CDK5RAP2: variants seen among roughly 807,000 people sequenced by gnomAD.
The protein encoded by CDK5RAP2 is CDK5 regulatory subunit-associated protein 2.
CDK5RAP2 carries 147 observed loss-of-function variants against 232.9 expected under a neutral mutation model. The ratio of observed to expected loss-of-function variants is 0.63; its 90% CI spans 0.55 to 0.72. The LOEUF (loss-of-function observed/expected upper bound fraction) is 0.72. Among genes scored for constraint, CDK5RAP2 ranks in the 30% least tolerant of loss-of-function variants. The probability of loss-of-function intolerance (pLI) is 0.00; values close to 1 mark genes in which losing one functional copy is unlikely to be tolerated. For synonymous variants in CDK5RAP2, 833 were observed against 833.7 expected, an observed-to-expected ratio of 1.00 and a Z score of 0.01; for missense variants, 2,195 against 2,231.5, an observed-to-expected ratio of 0.98 and a Z score of 0.33.
chr9:120,413,500 GCACGTCTTTC>G (rs915830047), intron 28 of CDK5RAP2, among the ~76,000 whole-genome samples: 1 of 152,246 alleles, frequency 6.6e-6, no homozygotes. Context: ...GGTGAGAACA[GCACGTCTTTC>G]CACCAGTGTA....
intron 35 of CDK5RAP2, among the ~76,000 whole-genome samples, chr9:120,395,836 C>A (rs2032418900): frequency 6.6e-6 from 1 of 152,236 alleles, no homozygotes; most frequent in Non-Finnish European, 1.5e-5. Context: ...CTAAAAAACA[C>A]ATTTCTGGCA....
Position 120,550,968 on chromosome 9 carries a change from T to C in CDK5RAP2, c.196-66A>G, listed in dbSNP as rs954214. ...GACAGAGGGTCCAACAGATAGTACATACATTAGTCGCTATGGATTACGAGG... is the reference window on the plus strand; with the variant it reads ...GACAGAGGGTCCAACAGATAGTACACACATTAGTCGCTATGGATTACGAGG... On this transcript the variant is annotated intron_variant, in intron 3 of 37. Transcript: ENST00000349780. The C allele has an allele frequency of 0.9, 790,000 of 875,698 alleles. 359,661 individuals are homozygous for C. The highest frequency in any genetic ancestry group is 0.95 in the Non-Finnish European group (480,002 of 507,298). The allele number at this position is 875,698 out of a possible 1,614,324, so 54.2% of individuals were successfully genotyped here.
chr9:120,466,263 T>C (rs1284095812), intron 18 of CDK5RAP2, among the ~76,000 whole-genome samples: 2 of 151,940 alleles, frequency 1.3e-5, no homozygotes, highest in East Asian at 1.9e-4. Flanking sequence ...GAACCACGCA[T>C]ACTCCCAGAG....
At chr9:120,413,716 T>C (rs2033998923) in intron 28 of CDK5RAP2, among the ~76,000 whole-genome samples, 1 of 152,276 alleles carries the variant, frequency 6.6e-6, no homozygotes, top group Admixed American at 6.5e-5. Flanking sequence ...CAGGCGTGTA[T>C]TTCTTTCCTG....
rs762782636 is a variant in CDK5RAP2 at position 120,477,468 on chromosome 9, C to A, written c.1627-18G>T. On this transcript the variant is annotated intron_variant, in intron 14 of 37. Transcript: ENST00000349780. ...TTCTTTTCCTGGAAATGACAATGGG[C>A]ATTTGACATTAAGGAAAGAATTTTG... 7.1e-6 allele frequency: 11 copies of A among 1,551,018 alleles called. No individual in the cohort carries two copies. The highest frequency in any genetic ancestry group is 1.7e-5 in the Admixed American group (1 of 59,926).
At chr9:120,488,306 T>A (rs751160732) in intron 13 of CDK5RAP2, among the ~76,000 whole-genome samples, 2 of 152,248 alleles carry the variant, frequency 1.3e-5, no homozygotes, top group African/African-American at 4.8e-5. Flanking sequence ...TGAACTGTAA[T>A]AGAAAGAACT....
chr9:120,411,387 AG>A lies in CDK5RAP2; in HGVS notation c.4384del (p.Leu1462SerfsTer28). The A allele has an allele frequency of 6.2e-7, 1 of 1,610,738 alleles. No individual in the cohort carries two copies. Among genetic ancestry groups the A allele is most frequent in the Non-Finnish European group, 8.5e-7 (1 of 1,176,878 alleles). ...IHFLRKQNQA[L>X]NAMLIKGSRD... ...GGATCCTTTAATGAGCATTGCATTG[AG>A]GGCCTGGTTCTGCTTCCTCAAGAAA... On this transcript the variant is annotated frameshift_variant, in exon 29 of 38. Coordinates refer to ENST00000349780, the MANE Select transcript of CDK5RAP2 (RefSeq NM_018249.6). LOFTEE classifies it high-confidence loss of function.
At chr9:120,516,748 G>T (rs560248629) in intron 12 of CDK5RAP2, among the ~76,000 whole-genome samples, 1 of 152,222 alleles carries the variant, frequency 6.6e-6, no homozygotes, top group Admixed American at 6.5e-5. Context: ...AGGATCCCTT[G>T]AGCCCAGGAA....
At chr9:120,522,510 C>T (rs529360739) in intron 11 of CDK5RAP2, among the ~76,000 whole-genome samples, 2 of 152,178 alleles carry the variant, frequency 1.3e-5, no homozygotes, top group African/African-American at 4.8e-5. Context: ...AGAGTCAAGG[C>T]AAGAGGTGAG....
intron 15 of CDK5RAP2, among the ~76,000 whole-genome samples, chr9:120,473,589 G>T (rs1407770970): frequency 6.6e-6 from 1 of 152,192 alleles, no homozygotes; most frequent in Admixed American, 6.5e-5. Flanking sequence ...CTGCTTTGAG[G>T]ACAGTTCATT....
At chr9:120,389,943 G>A (rs2031773623) in intron 36 of CDK5RAP2, 156 bp from the exon 37 acceptor site, 2 of 705,950 alleles carry the variant, frequency 2.8e-6, no homozygotes, top group South Asian at 3.0e-5. Flanking sequence ...AGGTACAAAG[G>A]GCCCACCTGA....
chr9:120,538,188 C>T lies in CDK5RAP2; in HGVS notation c.507+853G>A, dbSNP rs373694722. Among the ~76,000 whole-genome samples, 10 of 152,208 alleles carry T rather than the reference C, an allele frequency of 6.6e-5. No individual in the cohort carries two copies. The South Asian group carries it at 1.5e-3, about 22-fold the overall frequency. ...GCCTAATAGCTACATAACCCCAAGA[C>T]GACAATTTAAGGGCTGATATGAACA... is the stretch of plus-strand genomic sequence containing the variant. On this transcript the variant is annotated intron_variant, in intron 6 of 37. Transcript: ENST00000349780.
intron 23 of CDK5RAP2, among the ~76,000 whole-genome samples, chr9:120,441,517 TGCCCTTCACCGGAGGCGTGCGTGCGAAG>T (rs1449317257): frequency 6.6e-6 from 1 of 152,214 alleles, no homozygotes; most frequent in East Asian, 1.9e-4. Flanking sequence ...TAGAAGGAGA[TGCCCTTCACCGGAGGCGTGCGTGCGAAG>T]GCCAGCCTGG....
rs772633964 is a variant in CDK5RAP2, at chr9:120,571,991, G to C, written c.110C>G (p.Ala37Gly). Residue 37 changes from alanine to glycine, a missense_variant, in exon 2 of 38, where the codon GCT becomes GGT. Physicochemically the swap from Ala to Gly is moderately conservative, Grantham distance 60 (BLOSUM62 0). Coordinates refer to ENST00000349780, the MANE Select transcript of CDK5RAP2 (RefSeq NM_018249.6). ...PDDLDGINPN[A>G]GLGNGLLPNV... ...GTACTTACGACCATTTCCCAACCCA[G>C]CATTGGGGTTGATGCCATCCAGGTC... The C allele has an allele frequency of 1.2e-6, 2 of 1,613,396 alleles. No individual in the cohort carries two copies. The highest frequency in any genetic ancestry group is 1.3e-5 in the African/African-American group (1 of 74,898).
At chr9:120,414,966 T>C (rs2131342929) in intron 28 of CDK5RAP2, 74 bp downstream of exon 28, 2 of 1,557,608 alleles carry the variant, frequency 1.3e-6, no homozygotes, top group Non-Finnish European at 8.9e-7. Flanking sequence ...TGTACACAGA[T>C]GCTTACTCAG....
intron 16 of CDK5RAP2, 110 bp downstream of exon 16, chr9:120,471,638 A>C: frequency 5.2e-4 from 775 of 1,493,180 alleles, no homozygotes; most frequent in Non-Finnish European, 6.7e-4. Context: ...CTCCAAACGA[A>C]ACCCCGTGTA....
intron 29 of CDK5RAP2, among the ~76,000 whole-genome samples, chr9:120,409,646 G>C (rs1391434528): frequency 6.6e-6 from 1 of 152,270 alleles, no homozygotes; most frequent in Non-Finnish European, 1.5e-5. Context: ...AATGGGTGCT[G>C]GCCTGGCCGC....
chr9:120,392,687 C>A (rs2032098956), intron 36 of CDK5RAP2, among the ~76,000 whole-genome samples: 1 of 152,238 alleles, frequency 6.6e-6, no homozygotes, highest in Admixed American at 6.5e-5. Context: ...CTGGCACTGT[C>A]TCTCTCCAGG....
At chr9:120,557,205 C>CA (rs1188325896) in intron 3 of CDK5RAP2, among the ~76,000 whole-genome samples, 7 of 152,142 alleles carry the variant, frequency 4.6e-5, no homozygotes, top group Admixed American at 4.6e-4. Context: ...CCACCATGGC[C>CA]AGTTCAGTTC....
Sources: allele counts gnomAD v4.1 joint callset (sites outside exome capture counted in the v4.1 genomes callset), GRCh38; gene constraint gnomAD v4.1.1; transcripts MANE v1.5; gene names NCBI Gene and HGNC (gene_info 2026-07-23, HGNC 2026-07-21).